Variants in MAPK8IP3 observed in about 807,000 individuals in gnomAD.
MAPK8IP3 encodes the protein mitogen-activated protein kinase 8 interacting protein 3.
Under a neutral mutation model 157.8 loss-of-function variants are expected in MAPK8IP3, and 49 were observed. That is an observed-to-expected ratio of 0.31 (90% confidence interval 0.25 to 0.39). The LOEUF is 0.39. Ranked by LOEUF, MAPK8IP3 falls within the 10% of genes least tolerant of loss-of-function variation. The pLI, the probability that MAPK8IP3 is intolerant of heterozygous loss-of-function variation, is 1.00. For missense variants in MAPK8IP3, 1,478 were observed against 1,889.4 expected (o/e 0.78, Z 4.04); for synonymous variants, 897 against 777.7 (o/e 1.15, Z -2.55).
At chr16:1,744,578 G>C in intron 5 of MAPK8IP3, 1 of 985,686 alleles carries the variant, frequency 1.0e-6, no homozygotes, top group African/African-American at 1.7e-5. Context: ...TGCCACCTGG[G>C]CCCACCTCCT....
Position 1,766,372 on chromosome 16 carries a change from C to T in MAPK8IP3, c.2782C>T (p.Pro928Ser), listed in dbSNP as rs373749828. ...GPLTEHVFTDPAPTPSSGPQP... is the reference protein window; with the variant it reads ...GPLTEHVFTDSAPTPSSGPQP... ...TCTCACAGAGCACGTCTTCACTGAC[C>T]CAGCCCCGACCCCGTCCTCTGGCCC... Residue 928 changes from proline to serine, a missense_variant, in exon 22 of 32, where the codon CCA (proline) becomes TCA (serine). Pro to Ser is a moderately conservative substitution (Grantham distance 74). This residue lies in a region of MAPK8IP3 where 669 missense variants were observed against 759.8 expected (regional missense o/e 0.88). Coordinates refer to ENST00000610761, the MANE Select transcript of MAPK8IP3 (RefSeq NM_001318852.2). 5.0e-6 allele frequency: 8 copies of T among 1,612,312 alleles called. No homozygotes were observed. Among genetic ancestry groups the T allele is most frequent in the South Asian group, 4.4e-5 (4 of 91,080 alleles).
intron 1 of MAPK8IP3, among the ~76,000 whole-genome samples, chr16:1,723,276 C>G (rs1179914246): frequency 6.6e-6 from 1 of 151,952 alleles, no homozygotes; most frequent in Non-Finnish European, 1.5e-5. Context: ...CTCACATGAT[C>G]CATCTGCCTC....
intron 28 of MAPK8IP3, 50 bp downstream of exon 28, chr16:1,767,968 G>A (rs754689834): frequency 2.0e-5 from 32 of 1,607,126 alleles, no homozygotes; most frequent in Middle Eastern, 1.6e-4. Flanking sequence ...AGAGGTGTAC[G>A]TGGGTTCACG....
Position 1,738,272 on chromosome 16 carries a change from G to A in MAPK8IP3, c.603-5060G>A, listed in dbSNP as rs192515914. Among the ~76,000 whole-genome samples, 177 of 88,104 alleles carry A rather than the reference G, an allele frequency of 2.0e-3. 6 individuals are homozygous for A. The highest frequency in any genetic ancestry group is 3.4e-3 in the Non-Finnish European group (155 of 45,970). The allele number at this position is 88,104 out of a possible 152,430, so 57.8% of individuals were successfully genotyped here. ...CATCCGTGTGAGCGTGTGACCGTCC[G>A]TGTGAGTGTGACCATCCATGTGAGC... On this transcript the variant is annotated intron_variant, in intron 4 of 31. Transcript: ENST00000610761.
intron 5 of MAPK8IP3, chr16:1,746,404 G>A (rs1257091737): frequency 6.6e-6 from 1 of 152,406 alleles, no homozygotes; most frequent in Non-Finnish European, 1.5e-5. Flanking sequence ...AGAATGTCTT[G>A]GTGGCGTCCC....
intron 20 of MAPK8IP3, 78 bp from the exon 21 acceptor site, chr16:1,765,882 G>T: frequency 7.4e-7 from 1 of 1,353,264 alleles, no homozygotes; most frequent in Admixed American, 2.2e-5. Flanking sequence ...GGCTTCCTCT[G>T]CCCCTGTGTA....
chr16:1,767,790 C>A lies in MAPK8IP3; in HGVS notation c.3410-15C>A, dbSNP rs373396238. 1 of 1,611,316 alleles carries A rather than the reference C, an allele frequency of 6.2e-7. No homozygotes were observed. The highest frequency in any genetic ancestry group is 8.5e-7 in the Non-Finnish European group (1 of 1,179,752). On this transcript the variant is annotated splice_polypyrimidine_tract_variant and intron_variant, in intron 27 of 31. Coordinates refer to ENST00000610761, the MANE Select transcript of MAPK8IP3 (RefSeq NM_001318852.2). ...GGTGCTCAAGGCCAGCCACCCTGAC[C>A]GCTCTCCCCCACAGGCACTGGCAAG...
chr16:1,741,970 C>G lies in MAPK8IP3; in HGVS notation c.603-1362C>G, dbSNP rs754151786. Among the ~76,000 whole-genome samples the G allele has an allele frequency of 6.6e-5, 10 of 152,168 alleles. No individual in the cohort carries two copies. The highest frequency in any genetic ancestry group is 1.4e-4 in the African/African-American group (6 of 41,448). On this transcript the variant is annotated intron_variant, in intron 4 of 31. Coordinates refer to ENST00000610761, the MANE Select transcript of MAPK8IP3 (RefSeq NM_001318852.2). This position sits in a 1 kb window ranked among gnomAD's most constrained non-coding sequence, Gnocchi z 6.9. ...AGCTCCTGGTCAGCGGCGGCTGCTG[C>G]GTTCCCCTGTCGCCGTCTGCATCCT...
rs944210675 is a variant in MAPK8IP3 at position 1,744,449 on chromosome 16, C to T, written c.747+973C>T. 1.1e-4 allele frequency: 109 copies of T among 985,854 alleles called. No homozygotes were observed. The Admixed American group carries it at 2.8e-3, about 26-fold the overall frequency. 61.1% of individuals were successfully genotyped at this position (985,854 alleles called of 1,614,324 possible). A position where few individuals can be genotyped will look rare whatever the true frequency, so the allele number is the denominator to read the frequency against. On this transcript the variant is annotated intron_variant, in intron 5 of 31. Coordinates refer to ENST00000610761, the MANE Select transcript of MAPK8IP3 (RefSeq NM_001318852.2). ...TGCTCCGTCAGCCCACCTGCTGCTG[C>T]GCTGCTCTGGGAGCGAGCTCCCTCA...
intron 7 of MAPK8IP3, 89 bp from the exon 8 acceptor site, chr16:1,748,513 G>T: frequency 8.3e-7 from 1 of 1,210,694 alleles, no homozygotes; most frequent in Non-Finnish European, 1.2e-6. Flanking sequence ...GAATGGCCAC[G>T]GTGGGAGGTG....
intron 4 of MAPK8IP3, among the ~76,000 whole-genome samples, chr16:1,733,192 C>T (rs949504673): frequency 1.3e-5 from 2 of 152,140 alleles, no homozygotes; most frequent in Admixed American, 6.5e-5. Flanking sequence ...TCCTTGCCAG[C>T]GCAGCCTCAG....
rs138700980 is a variant in MAPK8IP3 at position 1,720,183 on chromosome 16, C to T, written c.319-4374C>T. Reference sequence around the variant, plus strand: ...CTGAGTAGCTGGGATTACAGGCGCACGCCACCACGCCCAGCTGATTTTTTG... The same window carrying T: ...CTGAGTAGCTGGGATTACAGGCGCATGCCACCACGCCCAGCTGATTTTTTG... On this transcript the variant is annotated intron_variant, in intron 1 of 31. Coordinates refer to ENST00000610761, the MANE Select transcript of MAPK8IP3 (RefSeq NM_001318852.2). Among the ~76,000 whole-genome samples, 282 of 152,248 alleles carry T rather than the reference C, an allele frequency of 1.9e-3. 1 individual carries two copies. The highest frequency in any genetic ancestry group is 6.4e-3 in the East Asian group (33 of 5,174).
chr16:1,753,453 A>T (rs11860900), intron 8 of MAPK8IP3, among the ~76,000 whole-genome samples: 31,749 of 149,880 alleles, frequency 0.21, 3,510 homozygotes, highest in East Asian at 0.36. Context: ...TTATTTATTT[A>T]TTTTTGAGAC....
In MAPK8IP3 at chr16:1,736,966, G is replaced by A. The variant is rs566132429; in HGVS notation, c.603-6366G>A. On this transcript the variant is annotated intron_variant, in intron 4 of 31. Transcript: ENST00000610761. ...CGTCCATGTGAGCGTGTGACCGTCCGTGTGACCGTCCGTGTGAGCATCCGT... is the reference window on the plus strand; with the variant it reads ...CGTCCATGTGAGCGTGTGACCGTCCATGTGACCGTCCGTGTGAGCATCCGT... Among the ~76,000 whole-genome samples, 5 of 78,680 alleles carry A rather than the reference G, an allele frequency of 6.4e-5. 1 individual carries two copies. The highest frequency in any genetic ancestry group is 1.5e-4 in the African/African-American group (3 of 19,774). The allele number at this position is 78,680 out of a possible 152,430, so 51.6% of individuals were successfully genotyped here.
At chr16:1,734,919 AG>A (rs1195316084) in intron 4 of MAPK8IP3, 1 of 152,438 alleles carries the variant, frequency 6.6e-6, no homozygotes, top group Non-Finnish European at 1.5e-5. Flanking sequence ...TGCAAACGCC[AG>A]GCAGTGTTCT....
intron 4 of MAPK8IP3, among the ~76,000 whole-genome samples, chr16:1,736,917 AC>A (rs1416565883): frequency 8.4e-5 from 3 of 35,550 alleles, no homozygotes; most frequent in Non-Finnish European, 1.5e-4. Flanking sequence ...TGTGTGAGTG[AC>A]CATCCATGTG....
chr16:1,733,719 G>T (rs1427169776), intron 4 of MAPK8IP3, among the ~76,000 whole-genome samples: 1 of 152,206 alleles, frequency 6.6e-6, no homozygotes, highest in East Asian at 1.9e-4. Flanking sequence ...CACTGCTGGG[G>T]TCCCCTCTGC....
At chr16:1,738,843 G>T (rs1333384526) in intron 4 of MAPK8IP3, among the ~76,000 whole-genome samples, 2 of 136,344 alleles carry the variant, frequency 1.5e-5, no homozygotes, top group Non-Finnish European at 3.2e-5. Flanking sequence ...GTGAGCGTCC[G>T]TGTGAGCGTG....
rs746610938 is a variant in MAPK8IP3 at position 1,766,092 on chromosome 16, G to A, written c.2579G>A (p.Arg860Gln). The change falls in exon 21 of 32, where the codon CGG becomes CAG. Residue 860 changes from arginine to glutamine, a missense_variant. Coordinates refer to ENST00000610761, the MANE Select transcript of MAPK8IP3 (RefSeq NM_001318852.2). Reference sequence around the variant, plus strand: ...TGTGCCACCCGCTGCAACGTGCCGCGGAGCAACTGCTCCTCCCGAGGGGAC... The same window carrying A: ...TGTGCCACCCGCTGCAACGTGCCGCAGAGCAACTGCTCCTCCCGAGGGGAC... Reference protein sequence around the residue: ...VGCATRCNVPRSNCSSRGDTP... With the variant: ...VGCATRCNVPQSNCSSRGDTP... 51 of 1,612,650 alleles carry A rather than the reference G, an allele frequency of 3.2e-5. No homozygotes were observed. Among genetic ancestry groups the A allele is most frequent in the African/African-American group, 2.0e-4 (15 of 74,940 alleles).
Sources: allele counts gnomAD v4.1 joint callset (sites outside exome capture counted in the v4.1 genomes callset), GRCh38; gene constraint gnomAD v4.1.1; regional missense constraint gnomAD v4.1.1; non-coding constraint Gnocchi (gnomAD v3.1); transcripts MANE v1.5; gene names NCBI Gene and HGNC (gene_info 2026-07-23, HGNC 2026-07-21).